Variants in PFKFB4 observed in about 807,000 individuals in gnomAD.
The protein encoded by PFKFB4 is 6-phosphofructo-2-kinase/fructose-2,6-bisphosphatase 4.
In PFKFB4, 42 loss-of-function variants were observed where a neutral mutation model predicts 62.8. The observed-to-expected ratio is 0.67, with a 90% CI of 0.52 to 0.86. The LOEUF (loss-of-function observed/expected upper bound fraction) is 0.86. Among genes scored for constraint, PFKFB4 ranks in the 40% least tolerant of loss-of-function variants. PFKFB4 has a pLI of 0.00. For synonymous variants in PFKFB4, 204 were observed against 240.7 expected, an observed-to-expected ratio of 0.85 and a Z score of 1.41; for missense variants, 475 against 627.2, an observed-to-expected ratio of 0.76 and a Z score of 2.59.
intron 9 of PFKFB4, among the ~76,000 whole-genome samples, chr3:48,529,007 A>G (rs1170567392): frequency 6.6e-6 from 1 of 152,052 alleles, no homozygotes; most frequent in Non-Finnish European, 1.5e-5. Flanking sequence ...ACTAAAAACC[A>G]CTGAACTGTA....
intron 4 of PFKFB4, among the ~76,000 whole-genome samples, chr3:48,541,257 A>G (rs996406494): frequency 5.3e-5 from 8 of 151,720 alleles, no homozygotes; most frequent in Admixed American, 5.3e-4. Flanking sequence ...CCTCCCGAGT[A>G]GCTGGGACTA....
At chr3:48,547,126 T>C (rs1051072614) in intron 3 of PFKFB4, among the ~76,000 whole-genome samples, 1 of 152,164 alleles carries the variant, frequency 6.6e-6, no homozygotes, top group Non-Finnish European at 1.5e-5. Context: ...CTACACACCA[T>C]GTATGAGCGT....
intron 9 of PFKFB4, among the ~76,000 whole-genome samples, chr3:48,532,410 G>A (rs2042458044): frequency 6.6e-6 from 1 of 152,200 alleles, no homozygotes; most frequent in Admixed American, 6.5e-5. Context: ...ATTGAGAGCA[G>A]GGTCTCAAAG....
intron 9 of PFKFB4, among the ~76,000 whole-genome samples, chr3:48,534,144 A>G (rs1338313097): frequency 1.3e-5 from 2 of 152,242 alleles, no homozygotes; most frequent in African/African-American, 4.8e-5. Context: ...ATTTGAAGAC[A>G]TAGCAGTAGA....
chr3:48,528,324 T>C (rs2042328852), intron 9 of PFKFB4, among the ~76,000 whole-genome samples: 1 of 152,114 alleles, frequency 6.6e-6, no homozygotes, highest in Admixed American at 6.6e-5. Context: ...ACCCAGCAAT[T>C]CTACTCCTAG....
rs1162212733 is a variant in PFKFB4, at chr3:48,538,552, C to T, written c.578G>A (p.Arg193Lys). ...GGAGTTCTCATAGCACTCAATGCGC[C>T]TCATGAAGTCCTCCGTAGCCTCATC... ...DSDEATEDFM[R>K]RIECYENSYE... Residue 193 changes from arginine to lysine, a missense_variant, in exon 7 of 14, where the codon AGG becomes AAG. Arg to Lys is a conservative substitution (Grantham distance 26, BLOSUM62 2). Coordinates refer to ENST00000232375, the MANE Select transcript of PFKFB4 (RefSeq NM_004567.4). 16 of 1,614,088 alleles carry T rather than the reference C, an allele frequency of 9.9e-6. No individual in the cohort carries two copies. The highest frequency in any genetic ancestry group is 1.2e-5 in the Non-Finnish European group (14 of 1,180,048).
intron 1 of PFKFB4, among the ~76,000 whole-genome samples, chr3:48,551,518 T>C (rs1233118236): frequency 1.5e-4 from 13 of 84,552 alleles, no homozygotes; most frequent in Admixed American, 6.8e-4. Flanking sequence ...CCTCCAGCCT[T>C]CTTTTTTTTT....
intron 1 of PFKFB4, among the ~76,000 whole-genome samples, chr3:48,554,985 G>A (rs2043267243): frequency 6.7e-6 from 1 of 149,166 alleles, no homozygotes; most frequent in Non-Finnish European, 1.5e-5. Flanking sequence ...AGGAGGTAGA[G>A]GTTGCAGTGA....
chr3:48,562,887 T>C (rs765858137), upstream of PFKFB4: 1 of 1,603,318 alleles, frequency 6.2e-7, no homozygotes, highest in East Asian at 2.2e-5. This position sits in a 1 kb window ranked among gnomAD's most constrained non-coding sequence, Gnocchi z 4.3. Flanking sequence ...AAGAGGCCGA[T>C]GGGGACATCC....
intron 12 of PFKFB4, among the ~76,000 whole-genome samples, chr3:48,522,604 C>T (rs998971442): frequency 2.0e-5 from 3 of 152,156 alleles, no homozygotes; most frequent in Admixed American, 6.6e-5. Flanking sequence ...TGGGGACTCA[C>T]ACTGCCCTGC....
At chr3:48,539,333 G>C (rs752658761) in intron 5 of PFKFB4, 23 bp from the exon 6 acceptor site, 1 of 1,610,584 alleles carries the variant, frequency 6.2e-7, no homozygotes, top group South Asian at 1.1e-5. Context: ...CAGAAGCGCC[G>C]GGGTGGTGGG....
At chr3:48,524,699 G>A (rs1325033635) in intron 10 of PFKFB4, among the ~76,000 whole-genome samples, 1 of 152,188 alleles carries the variant, frequency 6.6e-6, no homozygotes, top group Non-Finnish European at 1.5e-5. Context: ...CTATCCTGAG[G>A]ATGGTACAGT....
intron 1 of PFKFB4, among the ~76,000 whole-genome samples, chr3:48,552,785 G>A (rs2043195507): frequency 1.3e-5 from 2 of 152,158 alleles, no homozygotes; most frequent in Non-Finnish European, 2.9e-5. Flanking sequence ...TATTTTCCCA[G>A]AGACAGCTCC....
chr3:48,536,149 A>G (rs1323047286), intron 8 of PFKFB4, 107 bp downstream of exon 8: 2 of 927,536 alleles, frequency 2.2e-6, no homozygotes, highest in Admixed American at 4.2e-5. Flanking sequence ...TCGACTGCAC[A>G]TTAAAAGAAT....
intron 1 of PFKFB4, among the ~76,000 whole-genome samples, chr3:48,551,749 T>C (rs2043164186): frequency 6.6e-6 from 1 of 151,552 alleles, no homozygotes; most frequent in Non-Finnish European, 1.5e-5. Context: ...TTCATTATGT[T>C]AGTCAGGCTG....
In PFKFB4 at chr3:48,556,102, A is replaced by G. The variant is rs549848480; in HGVS notation, c.97+579T>C. The G allele has an allele frequency of 3.3e-4, 150 of 456,776 alleles. No homozygotes were observed. The Admixed American group carries it at 3.4e-3, about 10-fold the overall frequency. 28.3% of individuals were successfully genotyped at this position (456,776 alleles called of 1,614,324 possible). ...GATACTTACATGTCCCGGGACACAG[A>G]CACAGGCCCACACGGCATACTTTTC... On this transcript the variant is annotated intron_variant, in intron 1 of 13. Transcript: ENST00000232375. This position sits in a 1 kb window ranked among gnomAD's most constrained non-coding sequence, Gnocchi z 5.7.
intron 1 of PFKFB4, among the ~76,000 whole-genome samples, 172 bp from the exon 2 acceptor site, chr3:48,550,406 A>G (rs2043103182): frequency 6.6e-6 from 1 of 152,076 alleles, no homozygotes; most frequent in African/African-American, 2.4e-5. Context: ...GCTGGTTTCA[A>G]GCCACCGTTG....
intron 5 of PFKFB4, 56 bp downstream of exon 5, chr3:48,539,641 G>A: frequency 2.1e-6 from 3 of 1,409,922 alleles, no homozygotes; most frequent in Non-Finnish European, 3.0e-6. Context: ...AAGGAGCCCT[G>A]GAGGGCAGGG....
chr3:48,562,971 G>A (rs1179064346), upstream of PFKFB4: 1 of 1,607,238 alleles, frequency 6.2e-7, no homozygotes, highest in Non-Finnish European at 8.5e-7. This position sits in a 1 kb window ranked among gnomAD's most constrained non-coding sequence, Gnocchi z 4.3. Context: ...GGCCATGTGG[G>A]AGCAGCTGAG....
Sources: gnomAD v4.1 joint callset for allele counts (sites outside exome capture counted in the v4.1 genomes callset) on GRCh38, gnomAD v4.1.1 for gene constraint, Gnocchi (gnomAD v3.1) non-coding constraint, MANE v1.5 for transcripts, NCBI Gene and HGNC (gene_info 2026-07-23, HGNC 2026-07-21) for gene names.